NAV1: variants seen among roughly 807,000 people sequenced by gnomAD.
The protein encoded by NAV1 is pore membrane and/or filament interacting like protein 3.
NAV1 carries 18 observed loss-of-function variants against 175.2 expected under a neutral mutation model. That is an observed-to-expected ratio of 0.10 (90% confidence interval 0.07 to 0.15). The LOEUF (loss-of-function observed/expected upper bound fraction) is 0.15, where lower values mean the gene tolerates loss of function less well. Among genes scored for constraint, NAV1 ranks in the 10% least tolerant of loss-of-function variants. The pLI, the probability that NAV1 is intolerant of heterozygous loss-of-function variation, is 1.00. For missense variants in NAV1, 1,731 were observed against 2,436.6 expected (o/e 0.71, Z 6.10); for synonymous variants, 897 against 978.7 (o/e 0.92, Z 1.56).
intron 15 of NAV1, 171 bp downstream of exon 19, chr1:201,794,748 G>C: frequency 1.6e-6 from 1 of 641,768 alleles, no homozygotes; most frequent in Non-Finnish European, 2.7e-6. Flanking sequence ...GGAGTACCAG[G>C]GGCATGACCC....
At chr1:201,548,566 A>G (rs998196773) in intron 1 of NAV1, among the ~76,000 whole-genome samples, 4 of 152,302 alleles carry the variant, frequency 2.6e-5, no homozygotes, top group South Asian at 2.1e-4. Context: ...ATCTCTTAAA[A>G]AAATAAAAAT....
At chr1:201,775,274 G>A (rs1211540647) in intron 3 of NAV1, among the ~76,000 whole-genome samples, 1 of 152,156 alleles carries the variant, frequency 6.6e-6, no homozygotes. Flanking sequence ...AAGGGAGAGG[G>A]GAATAAATAA....
At chr1:201,697,372 C>T (rs1026008342) in intron 1 of NAV1, among the ~76,000 whole-genome samples, 3 of 152,208 alleles carry the variant, frequency 2.0e-5, no homozygotes, top group African/African-American at 7.2e-5. Flanking sequence ...AGATGCTGTG[C>T]AGGCTGAAGT....
intron 3 of NAV1, among the ~76,000 whole-genome samples, chr1:201,756,789 C>A (rs548521749): frequency 6.6e-6 from 1 of 150,522 alleles, no homozygotes; most frequent in East Asian, 2.0e-4. Flanking sequence ...AACTAATGAG[C>A]AATTCTCTTT....
At position 201,783,856 on chromosome 1, in the gene NAV1, G is replaced by A. The variant is rs1327190724; in HGVS notation, c.2804+4G>A. 1.0e-5 allele frequency: 16 copies of A among 1,598,740 alleles called. No individual in the cohort carries two copies. Among genetic ancestry groups the A allele is most frequent in the Non-Finnish European group, 1.4e-5 (16 of 1,170,394 alleles). On this transcript the variant is annotated splice_donor_region_variant and intron_variant, in intron 7 of 29. Transcript: ENST00000367296. ...CCAGAGCTGGGCAACTGGACAGGTA[G>A]GTAGAAAAGACAGCAGAACCTCGGC...
At chr1:201,598,446 G>A (rs753826262) in intron 2 of NAV1, among the ~76,000 whole-genome samples, 1 of 152,160 alleles carries the variant, frequency 6.6e-6, no homozygotes, top group Non-Finnish European at 1.5e-5. Flanking sequence ...GGTCTTTTTG[G>A]CCTCAGGGTG....
intron 2 of NAV1, among the ~76,000 whole-genome samples, chr1:201,614,637 G>T (rs1667950952): frequency 6.6e-6 from 1 of 152,228 alleles, no homozygotes; most frequent in Admixed American, 6.5e-5. Flanking sequence ...TGGCCAGGTA[G>T]CCTCCATTTG....
exon 7 of NAV1, chr1:201,783,472 T>A (rs758313528): frequency 1.9e-6 from 3 of 1,614,048 alleles, no homozygotes; most frequent in East Asian, 4.5e-5. Flanking sequence ...ACTCCAACAG[T>A]CTGGATCTAC....
intron 7 of NAV1, 46 bp from the exon 12 acceptor site, chr1:201,785,264 A>G (rs1676648545): frequency 1.9e-6 from 3 of 1,577,724 alleles, no homozygotes; most frequent in Non-Finnish European, 1.7e-6. Context: ...ATGGACCCAC[A>G]TGCTTCTCTC....
intron 3 of NAV1, among the ~76,000 whole-genome samples, chr1:201,726,609 C>T (rs1385333049): frequency 2.7e-5 from 4 of 149,066 alleles, no homozygotes; most frequent in Non-Finnish European, 5.9e-5. Context: ...GATCGCACCA[C>T]TCCACTCCAG....
chr1:201,666,282 C>T (rs1468546592), intron 1 of NAV1, among the ~76,000 whole-genome samples: 2 of 152,090 alleles, frequency 1.3e-5, no homozygotes, highest in African/African-American at 4.8e-5. Flanking sequence ...ACACTAGTAT[C>T]AGCCTGAGCC....
At chr1:201,691,294 C>T (rs1382186101) in intron 1 of NAV1, among the ~76,000 whole-genome samples, 2 of 152,218 alleles carry the variant, frequency 1.3e-5, no homozygotes, top group African/African-American at 2.4e-5. Context: ...ATAATAGAGG[C>T]ACCGTAGTAT....
chr1:201,769,290 A>G (rs1675411482), intron 3 of NAV1, among the ~76,000 whole-genome samples: 1 of 152,196 alleles, frequency 6.6e-6, no homozygotes, highest in Admixed American at 6.5e-5. Flanking sequence ...CACATTTGCT[A>G]GCCTCCTACT....
intron 1 of NAV1, among the ~76,000 whole-genome samples, chr1:201,711,452 G>T (rs1671902419): frequency 6.6e-6 from 1 of 152,200 alleles, no homozygotes; most frequent in Non-Finnish European, 1.5e-5. Context: ...CTTAGTCTTG[G>T]GGGAATAAAA....
chr1:201,689,944 C>T (rs1001764889), intron 1 of NAV1, among the ~76,000 whole-genome samples: 1 of 151,312 alleles, frequency 6.6e-6, no homozygotes, highest in Non-Finnish European at 1.5e-5. Flanking sequence ...TGTCTGGTTC[C>T]TCCGTGGCCT....
chr1:201,616,955 G>A (rs1429361687), intron 2 of NAV1, among the ~76,000 whole-genome samples: 1 of 152,148 alleles, frequency 6.6e-6, no homozygotes, highest in Non-Finnish European at 1.5e-5. Flanking sequence ...AAGGTGTGTG[G>A]TTGTTGAACA....
upstream of NAV1, among the ~76,000 whole-genome samples, chr1:201,647,254 A>C (rs553058918): frequency 1.3e-5 from 2 of 152,180 alleles, no homozygotes; most frequent in Non-Finnish European, 2.9e-5. Flanking sequence ...AGACTACTCC[A>C]TCTGGCTCTT....
chr1:201,709,844 G>GC (rs1304147330), intron 1 of NAV1, among the ~76,000 whole-genome samples: 1 of 152,094 alleles, frequency 6.6e-6, no homozygotes, highest in Non-Finnish European at 1.5e-5. Context: ...TCTTCCATTC[G>GC]CATCTCTGTG....
intron 1 of NAV1, among the ~76,000 whole-genome samples, chr1:201,544,879 A>C (rs1665623769): frequency 1.3e-5 from 2 of 152,180 alleles, no homozygotes; most frequent in African/African-American, 2.4e-5. Flanking sequence ...TGTTTTTTCA[A>C]GGAAGGTTGA....
Sources: gnomAD v4.1 joint callset for allele counts (sites outside exome capture counted in the v4.1 genomes callset) on GRCh38, gnomAD v4.1.1 for gene constraint, MANE v1.5 for transcripts, NCBI Gene and HGNC (gene_info 2026-07-23, HGNC 2026-07-21) for gene names.